Variants in CENPF observed in about 807,000 individuals in gnomAD.
CENPF encodes the protein centromere protein F.
Under a neutral mutation model 307.3 loss-of-function variants are expected in CENPF, and 214 were observed. That is an observed-to-expected ratio of 0.70 (90% CI 0.62 to 0.78). CENPF has a LOEUF of 0.78. Ranked by LOEUF, CENPF falls within the 30% of genes least tolerant of loss-of-function variation. The probability of loss-of-function intolerance (pLI) is 0.00; values close to 1 mark genes in which losing one functional copy is unlikely to be tolerated. For missense variants in CENPF, 3,401 were observed against 3,483.9 expected (o/e 0.98, Z 0.60); for synonymous variants, 1,259 against 1,270.6 (o/e 0.99, Z 0.19).
chr1:214,658,856 C>T lies in CENPF; in HGVS notation c.8969C>T (p.Ala2990Val). 1.2e-6 allele frequency: 2 copies of T among 1,613,922 alleles called. No homozygotes were observed. The highest frequency in any genetic ancestry group is 2.2e-5 in the South Asian group (2 of 91,046). ...GLPEVVKKGF[A>V]DIPTGKTSPY... ...TTATTTTTTTTGCCCTTAGGGTTTG[C>T]TGACATCCCGACAGGAAAGACTAGC... The change falls in exon 19 of 20, where the codon GCT becomes GTT. Residue 2990 changes from alanine to valine, a missense_variant. Ala to Val is a moderately conservative substitution (Grantham distance 64, BLOSUM62 0). Transcript: ENST00000366955.
intron 19 of CENPF, among the ~76,000 whole-genome samples, chr1:214,660,191 A>G (rs377293): frequency 0.53 from 81,095 of 152,008 alleles, 22,386 homozygotes; most frequent in East Asian, 0.88. Flanking sequence ...GCATTAAGGA[A>G]TTATACTTAG....
chr1:214,645,718 A>G lies in CENPF; in HGVS notation c.6148A>G (p.Thr2050Ala). 6.2e-7 allele frequency: 1 copy of G among 1,614,232 alleles called. No individual in the cohort carries two copies. Among genetic ancestry groups the G allele is most frequent in the Non-Finnish European group, 8.5e-7 (1 of 1,180,034 alleles). ...LEKDSQALSLTKCELENQIAQ... is the reference protein window; with the variant it reads ...LEKDSQALSLAKCELENQIAQ... ...AAAGGACTCACAGGCACTGTCTTTG[A>G]CAAAATGTGAGCTGGAAAACCAAAT... The change falls in exon 13 of 20, where the codon ACA (threonine) becomes GCA (alanine). Residue 2050 changes from threonine (T) to alanine (A), a missense_variant. Thr to Ala is a moderately conservative substitution (Grantham distance 58, BLOSUM62 0). Coordinates refer to ENST00000366955, the MANE Select transcript of CENPF (RefSeq NM_016343.4).
At chr1:214,611,248 T>C (rs564356534) in intron 1 of CENPF, among the ~76,000 whole-genome samples, 19 of 152,358 alleles carry the variant, frequency 1.2e-4, no homozygotes, top group Non-Finnish European at 2.4e-4. Context: ...GGAATAGCAT[T>C]GAATATGCAA....
intron 1 of CENPF, among the ~76,000 whole-genome samples, chr1:214,611,370 C>CT (rs367797438): frequency 1.4e-3 from 209 of 146,230 alleles, no homozygotes; most frequent in African/African-American, 3.8e-3. Context: ...TTTTCTAATT[C>CT]TTTTTTTTTT....
At chr1:214,616,220 G>T (rs967813330) in intron 3 of CENPF, among the ~76,000 whole-genome samples, 34 of 152,084 alleles carry the variant, frequency 2.2e-4, no homozygotes, top group African/African-American at 8.0e-4. Flanking sequence ...AATGGTTTAT[G>T]AAAATAATAG....
At chr1:214,626,982 T>G (rs1477132163) in intron 7 of CENPF, among the ~76,000 whole-genome samples, 1 of 152,228 alleles carries the variant, frequency 6.6e-6, no homozygotes, top group Non-Finnish European at 1.5e-5. Flanking sequence ...ATAATGAAGT[T>G]TCTTCACATA....
intron 14 of CENPF, 72 bp from the exon 15 acceptor site, chr1:214,651,638 A>G: frequency 8.3e-7 from 1 of 1,208,930 alleles, no homozygotes; most frequent in Non-Finnish European, 1.2e-6. Context: ...AGTACACATT[A>G]TTTCCTAAAA....
intron 19 of CENPF, 116 bp from the exon 20 acceptor site, chr1:214,663,475 A>G (rs1362965380): frequency 1.3e-5 from 13 of 1,000,084 alleles, no homozygotes; most frequent in Non-Finnish European, 1.8e-5. Context: ...CTTCAATTAT[A>G]TATAACTCCT....
rs138163000 is a variant in CENPF at position 214,642,950 on chromosome 1, A to G, written c.4612A>G (p.Arg1538Gly). ...CSSLQEENLTRKETPSAPAKG... is the reference protein window; with the variant it reads ...CSSLQEENLTGKETPSAPAKG... ...CAGTCTGCAGGAGGAGAATCTGACC[A>G]GGAAAGAAACCCCTTCGGCCCCAGC... Residue 1538 changes from arginine to glycine, a missense_variant, in exon 12 of 20, where the codon AGG becomes GGG. Transcript: ENST00000366955. 2.5e-6 allele frequency: 4 copies of G among 1,613,526 alleles called. No homozygotes were observed. In the African/African-American group the frequency reaches 4.0e-5, roughly 16 times the overall value.
rs371726811 is a variant in CENPF at position 214,618,602 on chromosome 1, A to G, written c.389A>G (p.Gln130Arg). Residue 130 changes from glutamine to arginine, a missense_variant, in exon 4 of 20, where the codon CAA (glutamine) becomes CGA (arginine). Coordinates refer to ENST00000366955, the MANE Select transcript of CENPF (RefSeq NM_016343.4). The part of the protein sequence containing the change: ...RCKSELERSQ[Q>R]AAQSADVSLN... Reference sequence around the variant, plus strand: ...AAATCTGAGCTTGAAAGAAGCCAACAAGCTGCGCAGTCTGCAGATGTCTCT... The same window carrying G: ...AAATCTGAGCTTGAAAGAAGCCAACGAGCTGCGCAGTCTGCAGATGTCTCT... The G allele has an allele frequency of 4.2e-5, 67 of 1,614,088 alleles. No homozygotes were observed. The East Asian group carries it at 4.2e-4, about 10-fold the overall frequency.
chr1:214,630,662 A>G lies in CENPF; in HGVS notation c.1323A>G (p.Lys441=), dbSNP rs1191714116. The change falls in exon 9 of 20, where the codon AAA becomes AAG. Residue 441 remains lysine, a splice_region_variant and synonymous_variant. Coordinates refer to ENST00000366955, the MANE Select transcript of CENPF (RefSeq NM_016343.4). ...MHNVLQAELD[K]LTSVKQQLEN... is the part of the protein sequence containing the mutation. ...ACGTCCTGCAGGCTGAACTGGATAA[A>G]GTAGGGGCCGTGTCTCTCTCTCTCT... 1 of 1,614,012 alleles carries G rather than the reference A, an allele frequency of 6.2e-7. No homozygotes were observed. Among genetic ancestry groups the G allele is most frequent in the South Asian group, 1.1e-5 (1 of 91,042 alleles).
chr1:214,640,866 A>C lies in CENPF; in HGVS notation c.2528A>C (p.Lys843Thr). The change falls in exon 12 of 20, where the codon AAA becomes ACA. Residue 843 changes from lysine to threonine, a missense_variant. Coordinates refer to ENST00000366955, the MANE Select transcript of CENPF (RefSeq NM_016343.4). Reference protein sequence around the residue: ...DSLEFSLESQKQMNSDLQKQC... With the variant: ...DSLEFSLESQTQMNSDLQKQC... Reference sequence around the variant, plus strand: ...CTTGAATTTTCATTAGAGTCTCAAAAACAGATGAACTCAGACCTGCAAAAG... The same window carrying C: ...CTTGAATTTTCATTAGAGTCTCAAACACAGATGAACTCAGACCTGCAAAAG... 6.3e-7 allele frequency: 1 copy of C among 1,599,104 alleles called. No individual in the cohort carries two copies. The highest frequency in any genetic ancestry group is 8.5e-7 in the Non-Finnish European group (1 of 1,175,908).
intron 1 of CENPF, among the ~76,000 whole-genome samples, chr1:214,607,218 A>G (rs1558166582): frequency 6.6e-6 from 1 of 152,120 alleles, no homozygotes; most frequent in Admixed American, 6.5e-5. Context: ...CCTGGATGTC[A>G]CCACTCAAAC....
At position 214,644,786 on chromosome 1, in the gene CENPF, C is replaced by A; in HGVS notation, c.5216C>A (p.Thr1739Asn). 6.2e-7 allele frequency: 1 copy of A among 1,613,954 alleles called. No homozygotes were observed. The highest frequency in any genetic ancestry group is 2.2e-5 in the East Asian group (1 of 44,858). The change falls in exon 13 of 20, where the codon ACC becomes AAC. Residue 1739 changes from threonine (T) to asparagine (N), a missense_variant. Physicochemically the swap from Thr to Asn is moderately conservative, Grantham distance 65. Coordinates refer to ENST00000366955, the MANE Select transcript of CENPF (RefSeq NM_016343.4). ...TNYEPPGEDK[T>N]QGSSECISEL... ...TATGAGCCTCCAGGGGAAGATAAAA[C>A]CCAGGGCTCTTCAGAATGCATTTCT... is the stretch of plus-strand genomic sequence containing the variant.
intron 5 of CENPF, among the ~76,000 whole-genome samples, chr1:214,619,926 T>G (rs186577423): frequency 1.3e-5 from 2 of 152,334 alleles, no homozygotes; most frequent in Admixed American, 1.3e-4. Flanking sequence ...CCTAGAAATA[T>G]CATGTGCTTT....
At position 214,664,094 on chromosome 1, in the gene CENPF, C is replaced by A; in HGVS notation, c.*300C>A. ...AAAATGACAAGCACTATATCACAAT[C>A]TCTGTTTGTATGTGGGTTTTACACT... On this transcript the variant is annotated 3_prime_UTR_variant, in exon 20 of 20. Coordinates refer to ENST00000366955, the MANE Select transcript of CENPF (RefSeq NM_016343.4). 4.3e-6 allele frequency: 1 copy of A among 233,808 alleles called. No individual in the cohort carries two copies. The highest frequency in any genetic ancestry group is 8.2e-6 in the Non-Finnish European group (1 of 121,608). 14.5% of individuals were successfully genotyped at this position (233,808 alleles called of 1,614,324 possible).
intron 10 of CENPF, among the ~76,000 whole-genome samples, chr1:214,633,927 A>G (rs573870367): frequency 6.6e-6 from 1 of 152,074 alleles, no homozygotes; most frequent in Non-Finnish European, 1.5e-5. Flanking sequence ...TCAGCCAGGA[A>G]CTCTCCCGCG....
chr1:214,652,618 A>G (rs1658516082), intron 15 of CENPF, among the ~76,000 whole-genome samples: 2 of 127,342 alleles, frequency 1.6e-5, no homozygotes. Flanking sequence ...TAATTTTTGT[A>G]TTTTTAGTAG....
intron 10 of CENPF, among the ~76,000 whole-genome samples, chr1:214,633,741 G>A (rs1657874242): frequency 6.6e-6 from 1 of 152,158 alleles, no homozygotes; most frequent in Non-Finnish European, 1.5e-5. Context: ...GCCACAAAGT[G>A]GAAGAAAACT....
Sources: gnomAD v4.1 joint callset for allele counts (sites outside exome capture counted in the v4.1 genomes callset) on GRCh38, gnomAD v4.1.1 for gene constraint, MANE v1.5 for transcripts, NCBI Gene and HGNC (gene_info 2026-07-23, HGNC 2026-07-21) for gene names.